KCNK12: variants seen among roughly 807,000 people sequenced by gnomAD.
KCNK12 encodes the protein potassium two pore domain channel subfamily K member 12, also known as potassium channel subfamily K member 12.
KCNK12 carries 6 observed loss-of-function variants against 25.3 expected under a neutral mutation model. The ratio of observed to expected loss-of-function variants is 0.24; its 90% CI spans 0.13 to 0.47. The LOEUF (loss-of-function observed/expected upper bound fraction) is 0.47. Ranked by LOEUF, KCNK12 falls within the 20% of genes least tolerant of loss-of-function variation. The pLI, the probability that KCNK12 is intolerant of heterozygous loss-of-function variation, is 0.99. For synonymous variants in KCNK12, 331 were observed against 311.1 expected (o/e 1.06, Z -0.67); for missense variants, 444 against 661.7 (o/e 0.67, Z 3.61).
In KCNK12 at chr2:47,559,820, T is replaced by C. The variant is rs375626618; in HGVS notation, c.391+10121A>G. On this transcript the variant is annotated intron_variant, in intron 1 of 1. Transcript: ENST00000327876. ...AGGGACTTCACAGTAGGTCCCTCTCTAGTGGCACCATTTGAGCTGGATCTT... is the reference window on the plus strand; with the variant it reads ...AGGGACTTCACAGTAGGTCCCTCTCCAGTGGCACCATTTGAGCTGGATCTT... Among the ~76,000 whole-genome samples the C allele has an allele frequency of 1.7e-4, 26 of 152,324 alleles. No homozygotes were observed. The East Asian group carries it at 4.8e-3, about 28-fold the overall frequency.
chr2:47,522,193 A>G (rs949608689), intron 1 of KCNK12, among the ~76,000 whole-genome samples: 5 of 151,920 alleles, frequency 3.3e-5, no homozygotes, highest in East Asian at 3.8e-4. Flanking sequence ...ACTCCTCCAA[A>G]TTTTTTTTTA....
rs1030908338 is a variant in KCNK12 at position 47,525,280 on chromosome 2, G to C, written c.392-3472C>G. Among the ~76,000 whole-genome samples the C allele has an allele frequency of 6.6e-6, 1 of 152,232 alleles. No homozygotes were observed. Among genetic ancestry groups the C allele is most frequent in the African/African-American group, 2.4e-5 (1 of 41,458 alleles). ...GTTGTTATGGGTAGTTGTTGTGGCA[G>C]TGGAGAGTGCTGTGGATTCTTTCAC... On this transcript the variant is annotated intron_variant, in intron 1 of 1. Transcript: ENST00000327876. This position sits in a 1 kb window ranked among gnomAD's most constrained non-coding sequence, Gnocchi z 4.1.
chr2:47,523,939 A>G (rs1305957642), intron 1 of KCNK12, among the ~76,000 whole-genome samples: 2 of 152,236 alleles, frequency 1.3e-5, no homozygotes, highest in Admixed American at 6.5e-5. Flanking sequence ...TAAACAGACT[A>G]TAGAAAATAT....
chr2:47,538,635 G>A lies in KCNK12; in HGVS notation c.392-16827C>T, dbSNP rs554439581. Among the ~76,000 whole-genome samples, 32 of 152,294 alleles carry A rather than the reference G, an allele frequency of 2.1e-4. 1 individual carries two copies. The highest frequency in any genetic ancestry group is 7.7e-4 in the African/African-American group (32 of 41,556). On this transcript the variant is annotated intron_variant, in intron 1 of 1. Coordinates refer to ENST00000327876, the MANE Select transcript of KCNK12 (RefSeq NM_022055.2). This position sits in a 1 kb window ranked among gnomAD's most constrained non-coding sequence, Gnocchi z 4.5. ...AAAATACAAAAATTAGCCAGGCATG[G>A]TGGTGCATGCCTGTAATCCCAGTTA...
In KCNK12 at chr2:47,570,264, C is replaced by G; in HGVS notation, c.68G>C (p.Cys23Ser). The stretch of plus-strand genomic sequence containing the variant: ...GTGCGAACGGCGGCAGCAGCAGCAG[C>G]AGCAGGAGGGGCGCGGCAGGCGGCG... ...SRRRLPRPSCCCCCCRRSHLN... is the reference protein window; with the variant it reads ...SRRRLPRPSCSCCCCRRSHLN... The change falls in exon 1 of 2, where the codon TGC (cysteine) becomes TCC (serine). Residue 23 changes from cysteine to serine, a missense_variant. By Grantham distance (112) the Cys-to-Ser change is moderately radical. Around this residue, in one of 8 missense-constraint regions of KCNK12, gnomAD observed 67 missense variants for 59.2 expected, o/e 1.13. Transcript: ENST00000327876. 1.4e-6 allele frequency: 2 copies of G among 1,426,578 alleles called. No individual in the cohort carries two copies. Among genetic ancestry groups the G allele is most frequent in the South Asian group, 1.4e-5 (1 of 71,714 alleles). The allele number at this position is 1,426,578 out of a possible 1,614,324, so 88.4% of individuals were successfully genotyped here. A position where few individuals can be genotyped will look rare whatever the true frequency, so the allele number is the denominator to read the frequency against.
rs1019469650 is a variant in KCNK12 at position 47,525,190 on chromosome 2, C to T, written c.392-3382G>A. Among the ~76,000 whole-genome samples, 1 of 152,222 alleles carries T rather than the reference C, an allele frequency of 6.6e-6. No homozygotes were observed. The highest frequency in any genetic ancestry group is 1.5e-5 in the Non-Finnish European group (1 of 68,040). On this transcript the variant is annotated intron_variant, in intron 1 of 1. Transcript: ENST00000327876. The surrounding 1 kb of genome is among the most constrained non-coding windows in gnomAD (Gnocchi z 4.1). Reference sequence around the variant, plus strand: ...AACAGGTCTGGGGCTAGCAACCCCCCACACCCCCACCTCCAGGCTGTACGG... The same window carrying T: ...AACAGGTCTGGGGCTAGCAACCCCCTACACCCCCACCTCCAGGCTGTACGG...
rs1258069302 is a variant in KCNK12, at chr2:47,555,112, A to G, written c.391+14829T>C. Among the ~76,000 whole-genome samples, 2 of 152,228 alleles carry G rather than the reference A, an allele frequency of 1.3e-5. No homozygotes were observed. The highest frequency in any genetic ancestry group is 2.4e-5 in the African/African-American group (1 of 41,450). ...TTTTAAAAGTTTTGATACATATTGA[A>G]TATCCATGTGGAGATGTCAAGTGGG... On this transcript the variant is annotated intron_variant, in intron 1 of 1. Coordinates refer to ENST00000327876, the MANE Select transcript of KCNK12 (RefSeq NM_022055.2). The surrounding 1 kb of genome is among the most constrained non-coding windows in gnomAD (Gnocchi z 4.5).
chr2:47,544,198 C>T (rs1391760719), intron 1 of KCNK12, among the ~76,000 whole-genome samples: 1 of 152,204 alleles, frequency 6.6e-6, no homozygotes, highest in East Asian at 1.9e-4. Context: ...ACCCTGTGCC[C>T]CCATTCCCCA....
chr2:47,532,394 C>T (rs2104775533), intron 1 of KCNK12, among the ~76,000 whole-genome samples: 1 of 152,152 alleles, frequency 6.6e-6, no homozygotes, highest in South Asian at 2.1e-4. Context: ...CAGGATCTTG[C>T]TCTGTCACCC....
Position 47,519,166 on chromosome 2 carries a change from A to C in KCNK12, c.*1741T>G, listed in dbSNP as rs569791733. ...GTGTTTAAAAACCAATCCCAACTCAAATCAGAAATTACCCAAAATAGCTGG... is the reference window on the plus strand; with the variant it reads ...GTGTTTAAAAACCAATCCCAACTCACATCAGAAATTACCCAAAATAGCTGG... On this transcript the variant is annotated 3_prime_UTR_variant, in exon 2 of 2. Transcript: ENST00000327876. The C allele has an allele frequency of 3.9e-5, 6 of 152,346 alleles. No individual in the cohort carries two copies. Among genetic ancestry groups the C allele is most frequent in the Non-Finnish European group, 7.3e-5 (5 of 68,040 alleles). 9.4% of individuals were successfully genotyped at this position (152,346 alleles called of 1,614,324 possible).
At chr2:47,526,240 C>CA (rs57006185) in intron 1 of KCNK12, among the ~76,000 whole-genome samples, 6,231 of 127,400 alleles carry the variant, frequency 0.049, 396 homozygotes, top group African/African-American at 0.16. Flanking sequence ...CCTAAAAATA[C>CA]AAAAAAAAAA....
At chr2:47,563,792 G>A (rs79426220) in intron 1 of KCNK12, 1 of 232,988 alleles carries the variant, frequency 4.3e-6, no homozygotes, top group African/African-American at 2.2e-5. Context: ...GGTGCTTCCA[G>A]CTAGAATACT....
chr2:47,535,654 G>A (rs929355849), intron 1 of KCNK12, among the ~76,000 whole-genome samples: 1 of 152,148 alleles, frequency 6.6e-6, no homozygotes, highest in Non-Finnish European at 1.5e-5. Flanking sequence ...CAGCTCCTGG[G>A]GGAGGTGTCA....
Position 47,570,131 on chromosome 2 carries a change from C to G in KCNK12, c.201G>C (p.Glu67Asp). ...GCGTGGCGCCCCAGCGCGCCCGCGCCTCCGCCTCGCCGGGGCTCTCGAGCG... is the reference window on the plus strand; with the variant it reads ...GCGTGGCGCCCCAGCGCGCCCGCGCGTCCGCCTCGCCGGGGCTCTCGAGCG... ...FSALESPGEA[E>D]ARARWGATLR... Residue 67 changes from glutamate to aspartate, a missense_variant, in exon 1 of 2, where the codon GAG becomes GAC. By Grantham distance (45) the Glu-to-Asp change is conservative. Transcript: ENST00000327876. 6.9e-7 allele frequency: 1 copy of G among 1,441,128 alleles called. No homozygotes were observed. The highest frequency in any genetic ancestry group is 9.1e-7 in the Non-Finnish European group (1 of 1,098,306). 89.3% of individuals were successfully genotyped at this position (1,441,128 alleles called of 1,614,324 possible).
intron 1 of KCNK12, chr2:47,543,637 T>C (rs2104822853): frequency 6.6e-6 from 1 of 150,830 alleles, no homozygotes; most frequent in South Asian, 2.1e-4. Context: ...CTCCGAGACA[T>C]GTGCTCTGCT....
intron 1 of KCNK12, among the ~76,000 whole-genome samples, chr2:47,526,130 C>T (rs762528293): frequency 2.2e-4 from 34 of 152,118 alleles, no homozygotes; most frequent in Non-Finnish European, 1.9e-4. Flanking sequence ...CGTGATGGCT[C>T]ATGCCTGTAA....
chr2:47,560,047 G>C lies in KCNK12; in HGVS notation c.391+9894C>G, dbSNP rs1669631692. On this transcript the variant is annotated intron_variant, in intron 1 of 1. Coordinates refer to ENST00000327876, the MANE Select transcript of KCNK12 (RefSeq NM_022055.2). The surrounding 1 kb of genome is among the most constrained non-coding windows in gnomAD (Gnocchi z 4.7). ...CTGTTTCAGGACATGACCTTAGGCA[G>C]AGTCTCCCTCAAGCCAACCACCCTT... is the stretch of plus-strand genomic sequence containing the variant. 6.6e-6 allele frequency among the ~76,000 whole-genome samples: 1 copy of C among 152,228 alleles called. No individual in the cohort carries two copies. The highest frequency in any genetic ancestry group is 1.5e-5 in the Non-Finnish European group (1 of 68,042).
chr2:47,564,301 A>G (rs1205676172), intron 1 of KCNK12: 2 of 229,960 alleles, frequency 8.7e-6, no homozygotes, highest in Non-Finnish European at 8.6e-6. Context: ...CACAAGCACC[A>G]TGAAGACAGC....
In KCNK12 at chr2:47,515,011, T is replaced by C. The variant is rs995744654; in HGVS notation, c.*5896A>G. On this transcript the variant is annotated 3_prime_UTR_variant, in exon 2 of 2. Coordinates refer to ENST00000327876, the MANE Select transcript of KCNK12 (RefSeq NM_022055.2). ...GCAGTCCATCCAGGGATCACTGGAG[T>C]GTCATATGAAATGTTATAGGAATCA... 1.3e-5 allele frequency among the ~76,000 whole-genome samples: 2 copies of C among 151,880 alleles called. No homozygotes were observed. Among genetic ancestry groups the C allele is most frequent in the African/African-American group, 4.8e-5 (2 of 41,294 alleles).
Sources: allele counts gnomAD v4.1 joint callset (sites outside exome capture counted in the v4.1 genomes callset), GRCh38; gene constraint gnomAD v4.1.1; regional missense constraint gnomAD v4.1.1; non-coding constraint Gnocchi (gnomAD v3.1); transcripts MANE v1.5; gene names NCBI Gene and HGNC (gene_info 2026-07-23, HGNC 2026-07-21).